Variants in PRKD1 observed in about 807,000 individuals in gnomAD.
PRKD1 encodes protein kinase D1.
In PRKD1, 63 loss-of-function variants were observed where a neutral mutation model predicts 95.9. That is an observed-to-expected ratio of 0.66 (90% CI 0.54 to 0.81). The LOEUF is 0.81. Among genes scored for constraint, PRKD1 ranks in the 30% least tolerant of loss-of-function variants. The pLI is 0.00. For missense variants in PRKD1, 1,048 were observed against 1,165.3 expected (o/e 0.90, Z 1.47); for synonymous variants, 425 against 423.1 (o/e 1.00, Z -0.05).
chr14:29,653,409 T>G (rs1881632684), intron 4 of PRKD1, among the ~76,000 whole-genome samples: 1 of 152,158 alleles, frequency 6.6e-6, no homozygotes, highest in Non-Finnish European at 1.5e-5. Flanking sequence ...GATACCTCCT[T>G]AAAGTCACTT....
At chr14:29,878,551 G>C (rs570677277) in intron 1 of PRKD1, among the ~76,000 whole-genome samples, 1 of 152,294 alleles carries the variant, frequency 6.6e-6, no homozygotes, top group East Asian at 1.9e-4. Context: ...AGTATATACA[G>C]AGAAGGGAGT....
At chr14:29,797,469 T>TA (rs1889865824) in intron 1 of PRKD1, among the ~76,000 whole-genome samples, 1 of 152,224 alleles carries the variant, frequency 6.6e-6, no homozygotes, top group Non-Finnish European at 1.5e-5. Flanking sequence ...ATTGTACTGT[T>TA]ACAGCATATG....
chr14:29,585,862 A>T (rs1414518281), intron 16 of PRKD1, among the ~76,000 whole-genome samples: 1 of 152,222 alleles, frequency 6.6e-6, no homozygotes. Flanking sequence ...GTCAAGTGAA[A>T]ATCCTTAGGA....
At position 29,725,533 on chromosome 14, in the gene PRKD1, T is replaced by C; in HGVS notation, c.403+3A>G. On this transcript the variant is annotated splice_donor_region_variant and intron_variant, in intron 2 of 17. Transcript: ENST00000331968. The stretch of plus-strand genomic sequence containing the variant: ...ATAAAGAAAAGGTATAAAAGTATAC[T>C]ACCTGACAAGACCACTTCAATAAGA... The C allele has an allele frequency of 1.2e-6, 2 of 1,612,910 alleles. No homozygotes were observed. The highest frequency in any genetic ancestry group is 1.7e-6 in the Non-Finnish European group (2 of 1,179,270).
chr14:29,608,949 T>A (rs45444195), intron 13 of PRKD1, among the ~76,000 whole-genome samples: 3 of 152,192 alleles, frequency 2.0e-5, no homozygotes, highest in African/African-American at 7.2e-5. Flanking sequence ...TAGAACAAAT[T>A]ATGTTAATAT....
chr14:29,919,542 A>G (rs1467600927), intron 1 of PRKD1, among the ~76,000 whole-genome samples: 3 of 152,218 alleles, frequency 2.0e-5, no homozygotes, highest in African/African-American at 7.2e-5. Flanking sequence ...TGGCACAAAA[A>G]TATTTGGTTG....
chr14:29,882,407 T>C (rs1893544990), intron 1 of PRKD1, among the ~76,000 whole-genome samples: 1 of 152,232 alleles, frequency 6.6e-6, no homozygotes, highest in Non-Finnish European at 1.5e-5. Context: ...TAGTCCTAGG[T>C]ATTATTCTTT....
intron 1 of PRKD1, among the ~76,000 whole-genome samples, chr14:29,851,401 A>G (rs997728798): frequency 6.6e-6 from 1 of 152,022 alleles, no homozygotes; most frequent in Non-Finnish European, 1.5e-5. Context: ...CAAAAACAAA[A>G]CATTAAAAAG....
chr14:29,890,108 T>C (rs1893885913), intron 1 of PRKD1, among the ~76,000 whole-genome samples: 1 of 152,194 alleles, frequency 6.6e-6, no homozygotes, highest in African/African-American at 2.4e-5. Flanking sequence ...TACATTTTAA[T>C]AGTGTTTTAA....
intron 1 of PRKD1, among the ~76,000 whole-genome samples, chr14:29,911,310 T>G (rs1408788730): frequency 3.3e-5 from 5 of 152,220 alleles, no homozygotes; most frequent in Non-Finnish European, 5.9e-5. Flanking sequence ...CTTCAAAGAT[T>G]GTTGAATGTG....
chr14:29,821,159 TG>T (rs1482444810), intron 1 of PRKD1, among the ~76,000 whole-genome samples: 2 of 152,230 alleles, frequency 1.3e-5, no homozygotes. Context: ...AATTTTTACA[TG>T]TTCACAATAG....
intron 2 of PRKD1, among the ~76,000 whole-genome samples, chr14:29,700,975 T>TGCGCGCGCGC (rs750081427): frequency 1.7e-4 from 11 of 62,946 alleles, no homozygotes; most frequent in South Asian, 7.1e-4. Context: ...CGCGTGCGCA[T>TGCGCGCGCGC]GCGCGCGCGC....
intron 2 of PRKD1, among the ~76,000 whole-genome samples, chr14:29,669,071 T>C (rs1054309678): frequency 6.6e-6 from 1 of 152,224 alleles, no homozygotes; most frequent in African/African-American, 2.4e-5. Context: ...CTGAAAAATA[T>C]TTTTTAAAGA....
chr14:29,841,856 T>G (rs1193967038), intron 1 of PRKD1, among the ~76,000 whole-genome samples: 1 of 152,024 alleles, frequency 6.6e-6, no homozygotes, highest in Admixed American at 6.5e-5. Context: ...AACACTTACA[T>G]GAAACACAAA....
At position 29,615,090 on chromosome 14, in the gene PRKD1, T is replaced by C. The variant is rs1352193683; in HGVS notation, c.1905+9062A>G. Among the ~76,000 whole-genome samples the C allele has an allele frequency of 2.6e-5, 4 of 152,160 alleles. No homozygotes were observed. In the Middle Eastern group the frequency reaches 0.01, roughly 388 times the overall value. On this transcript the variant is annotated intron_variant, in intron 13 of 17. Coordinates refer to ENST00000331968, the MANE Select transcript of PRKD1 (RefSeq NM_002742.3). ...CTTTAAAGTATAAAAACACATTACATTGAAATATAATTCTGTAGGGAAAGT... is the reference window on the plus strand; with the variant it reads ...CTTTAAAGTATAAAAACACATTACACTGAAATATAATTCTGTAGGGAAAGT...
chr14:29,597,763 T>C lies in PRKD1; in HGVS notation c.2167-5A>G. On this transcript the variant is annotated splice_polypyrimidine_tract_variant and splice_region_variant and intron_variant, in intron 15 of 17. Coordinates refer to ENST00000331968, the MANE Select transcript of PRKD1 (RefSeq NM_002742.3). ...ACCAAAATCACAAAGTTTCACCTGT[T>C]GATGAAAGGATTTGCAGAAATACTC... 6.2e-7 allele frequency: 1 copy of C among 1,607,740 alleles called. No individual in the cohort carries two copies. The highest frequency in any genetic ancestry group is 8.5e-7 in the Non-Finnish European group (1 of 1,176,520).
At chr14:29,619,673 A>G (rs1879114146) in intron 13 of PRKD1, among the ~76,000 whole-genome samples, 1 of 152,136 alleles carries the variant, frequency 6.6e-6, no homozygotes, top group Non-Finnish European at 1.5e-5. Flanking sequence ...GGGGGTTTGG[A>G]CTGCAATTTT....
At chr14:29,600,837 G>T (rs1392517076) in intron 13 of PRKD1, among the ~76,000 whole-genome samples, 1 of 148,334 alleles carries the variant, frequency 6.7e-6, no homozygotes, top group Non-Finnish European at 1.5e-5. Context: ...GCTTAAATCT[G>T]AACGTTCTTC....
intron 2 of PRKD1, among the ~76,000 whole-genome samples, chr14:29,676,525 T>C (rs899529721): frequency 3.3e-5 from 5 of 152,146 alleles, no homozygotes; most frequent in Admixed American, 3.3e-4. Context: ...CAGCTAATTT[T>C]TGTATTTTTA....
Sources: gnomAD v4.1 joint callset for allele counts (sites outside exome capture counted in the v4.1 genomes callset) on GRCh38, gnomAD v4.1.1 for gene constraint, MANE v1.5 for transcripts, NCBI Gene and HGNC (gene_info 2026-07-23, HGNC 2026-07-21) for gene names.